ZEB1: variants seen among roughly 807,000 people sequenced by gnomAD.
The protein encoded by ZEB1 is zinc finger E-box-binding homeobox 1.
ZEB1 carries 21 observed loss-of-function variants against 84.9 expected under a neutral mutation model. The observed-to-expected ratio is 0.25, with a 90% CI of 0.18 to 0.36. ZEB1 has a LOEUF of 0.36. Ranked by LOEUF, ZEB1 falls within the 10% of genes least tolerant of loss-of-function variation. The pLI is 1.00. For missense variants in ZEB1, 1,104 were observed against 1,330.2 expected (o/e 0.83, Z 2.65); for synonymous variants, 420 against 471.1 (o/e 0.89, Z 1.41).
intron 1 of ZEB1, among the ~76,000 whole-genome samples, chr10:31,455,456 A>G (rs943666926): frequency 2.0e-5 from 3 of 152,258 alleles, no homozygotes; most frequent in East Asian, 1.9e-4. Flanking sequence ...AAAAGAAACT[A>G]TCATCAGAGT....
At chr10:31,508,881 T>C (rs1377571981) in intron 4 of ZEB1, among the ~76,000 whole-genome samples, 1 of 152,158 alleles carries the variant, frequency 6.6e-6, no homozygotes, top group African/African-American at 2.4e-5. Flanking sequence ...CCCTTATAAA[T>C]GCTTAGCAGC....
intron 2 of ZEB1, among the ~76,000 whole-genome samples, chr10:31,483,815 C>G (rs1013096262): frequency 6.6e-6 from 1 of 151,974 alleles, no homozygotes; most frequent in African/African-American, 2.4e-5. Flanking sequence ...AACACACTTA[C>G]GATTTAAACA....
intron 1 of ZEB1, among the ~76,000 whole-genome samples, chr10:31,403,549 A>T (rs1440817597): frequency 1.3e-5 from 2 of 152,190 alleles, no homozygotes; most frequent in Admixed American, 6.6e-5. Flanking sequence ...TGGAATAATG[A>T]TCTTTAAAGA....
chr10:31,520,022 G>A lies in ZEB1; in HGVS notation c.794-104G>A, dbSNP rs909171859. The A allele has an allele frequency of 8.4e-6, 12 of 1,432,736 alleles. No homozygotes were observed. In the African/African-American group the frequency reaches 1.6e-4, roughly 19 times the overall value. The allele number at this position is 1,432,736 out of a possible 1,614,324, so 88.8% of individuals were successfully genotyped here. A position where few individuals can be genotyped will look rare whatever the true frequency, so the allele number is the denominator to read the frequency against. On this transcript the variant is annotated intron_variant, in intron 6 of 8. Coordinates refer to ENST00000424869, the MANE Select transcript of ZEB1 (RefSeq NM_001174096.2). The surrounding 1 kb of genome is among the most constrained non-coding windows in gnomAD (Gnocchi z 5.1). ...AGTTCTGTCACAAGCATGCATGGCA[G>A]TCTTCTTTTTAAAATTGATACCGCT...
chr10:31,502,054 A>G (rs976524515), intron 3 of ZEB1, among the ~76,000 whole-genome samples: 8 of 152,314 alleles, frequency 5.3e-5, no homozygotes, highest in Middle Eastern at 3.4e-3. Context: ...TCAGTCAACT[A>G]TATTGCCTTC....
intron 1 of ZEB1, among the ~76,000 whole-genome samples, chr10:31,435,513 G>A (rs1207286254): frequency 6.6e-6 from 1 of 152,182 alleles, no homozygotes; most frequent in Non-Finnish European, 1.5e-5. Context: ...AAAGAGTAAA[G>A]GATAAAGCAT....
At chr10:31,502,576 A>G in intron 4 of ZEB1, 67 bp downstream of exon 4, 8 of 1,598,750 alleles carry the variant, frequency 5.0e-6, no homozygotes, top group East Asian at 2.2e-5. Context: ...CCATTCTACT[A>G]TGGGAACCTG....
chr10:31,525,810 A>G (rs1451026704), intron 8 of ZEB1, among the ~76,000 whole-genome samples: 1 of 152,200 alleles, frequency 6.6e-6, no homozygotes, highest in African/African-American at 2.4e-5. Context: ...GCCCCTTGTA[A>G]CTCAGTCCTC....
chr10:31,483,987 C>G (rs911856954), intron 2 of ZEB1, among the ~76,000 whole-genome samples: 5 of 151,978 alleles, frequency 3.3e-5, no homozygotes. Context: ...TACAAGGACC[C>G]CATTTCCTTG....
At chr10:31,351,836 G>A (rs1176827721) in intron 1 of ZEB1, among the ~76,000 whole-genome samples, 1 of 152,138 alleles carries the variant, frequency 6.6e-6, no homozygotes, top group African/African-American at 2.4e-5. Flanking sequence ...GCAACGGACT[G>A]TAATCCAGAC....
chr10:31,478,540 G>A (rs1480237539), intron 2 of ZEB1, among the ~76,000 whole-genome samples: 2 of 151,894 alleles, frequency 1.3e-5, no homozygotes, highest in Non-Finnish European at 2.9e-5. Context: ...ATATAAGAAA[G>A]ACACCTTTAT....
chr10:31,405,411 GTGCTGGGCTTTA>G (rs2052789450), intron 1 of ZEB1, among the ~76,000 whole-genome samples: 1 of 152,108 alleles, frequency 6.6e-6, no homozygotes, highest in Non-Finnish European at 1.5e-5. Context: ...TACCTACTAC[GTGCTGGGCTTTA>G]CCCAGAAAAG....
chr10:31,525,232 A>G (rs1241279971), intron 8 of ZEB1, among the ~76,000 whole-genome samples: 1 of 152,208 alleles, frequency 6.6e-6, no homozygotes, highest in Non-Finnish European at 1.5e-5. Flanking sequence ...AAGCTACTAC[A>G]GAGACCATTT....
At chr10:31,524,975 CTA>C (rs987491643) in intron 8 of ZEB1, among the ~76,000 whole-genome samples, 2 of 152,180 alleles carry the variant, frequency 1.3e-5, no homozygotes, top group African/African-American at 4.8e-5. Flanking sequence ...GGATGGCAAA[CTA>C]TAGCTCACAG....
In ZEB1 at chr10:31,502,262, C is replaced by G. The variant is rs374735706; in HGVS notation, c.323-86C>G. 248 of 1,354,098 alleles carry G rather than the reference C, an allele frequency of 1.8e-4. 2 individuals carry two copies. The African/African-American group carries it at 3.4e-3, about 18-fold the overall frequency. 83.9% of individuals were successfully genotyped at this position (1,354,098 alleles called of 1,614,324 possible). On this transcript the variant is annotated intron_variant, in intron 3 of 8. Coordinates refer to ENST00000424869, the MANE Select transcript of ZEB1 (RefSeq NM_001174096.2). Reference sequence around the variant, plus strand: ...AGATTCAAGAACAATCATATGTTCTCTCAAGATAAATAATTTCTTATTTAG... The same window carrying G: ...AGATTCAAGAACAATCATATGTTCTGTCAAGATAAATAATTTCTTATTTAG...
rs220060 is a variant in ZEB1 at position 31,514,588 on chromosome 10, G to A, written c.688-15G>A. On this transcript the variant is annotated splice_polypyrimidine_tract_variant and intron_variant, in intron 5 of 8. Transcript: ENST00000424869. ...CTTTTGCTTTTCAAATAAAATACCA[G>A]TTCTTTTCTTACAGAGACATGTGAC... The A allele has an allele frequency of 0.95, 1,525,822 of 1,608,802 alleles. 724,275 individuals are homozygous for A. Among genetic ancestry groups the A allele is most frequent in the East Asian group, 1 (44,705 of 44,710 alleles).
intron 1 of ZEB1, among the ~76,000 whole-genome samples, chr10:31,386,593 G>A (rs1220708584): frequency 2.0e-4 from 31 of 152,008 alleles, no homozygotes; most frequent in Non-Finnish European, 5.9e-5. Context: ...CTTTCCTCAT[G>A]GAGTTTTACA....
chr10:31,524,214 T>TA, intron 8 of ZEB1, 101 bp downstream of exon 8: 1 of 1,325,346 alleles, frequency 7.5e-7, no homozygotes, highest in South Asian at 1.4e-5. Flanking sequence ...TTTTTTTTTT[T>TA]TTTATTTTGT....
intron 5 of ZEB1, among the ~76,000 whole-genome samples, chr10:31,513,517 C>T (rs945858754): frequency 9.9e-5 from 15 of 152,068 alleles, no homozygotes; most frequent in African/African-American, 3.6e-4. Flanking sequence ...GAGTCGCCAC[C>T]ATATATTTGG....
Sources: gnomAD v4.1 joint callset for allele counts (sites outside exome capture counted in the v4.1 genomes callset) on GRCh38, gnomAD v4.1.1 for gene constraint, Gnocchi (gnomAD v3.1) non-coding constraint, MANE v1.5 for transcripts, NCBI Gene and HGNC (gene_info 2026-07-23, HGNC 2026-07-21) for gene names.